The following EXOC6B variants were observed in gnomAD, a reference collection of about 807,000 sequenced individuals.
EXOC6B encodes exocyst complex component 6B.
Under a neutral mutation model 113.5 loss-of-function variants are expected in EXOC6B, and 54 were observed. The ratio of observed to expected loss-of-function variants is 0.48; its 90% CI spans 0.38 to 0.60. The LOEUF (loss-of-function observed/expected upper bound fraction) is 0.60, where lower values mean the gene tolerates loss of function less well. Among genes scored for constraint, EXOC6B ranks in the 20% least tolerant of loss-of-function variants. The pLI is 0.00. For synonymous variants in EXOC6B, 357 were observed against 339.0 expected, an observed-to-expected ratio of 1.05 and a Z score of -0.58; for missense variants, 797 against 977.5, an observed-to-expected ratio of 0.82 and a Z score of 2.46.
intron 8 of EXOC6B, among the ~76,000 whole-genome samples, chr2:72,543,549 C>T (rs1702731336): frequency 6.6e-6 from 1 of 152,098 alleles, no homozygotes; most frequent in African/African-American, 2.4e-5. Flanking sequence ...CTCTCTTTTT[C>T]CCCCGCCTTG....
intron 8 of EXOC6B, among the ~76,000 whole-genome samples, chr2:72,523,892 G>T (rs985980606): frequency 1.6e-4 from 24 of 151,874 alleles, no homozygotes; most frequent in Non-Finnish European, 3.2e-4. Flanking sequence ...ATTGGAGAGT[G>T]GGCTGAGTTC....
Position 72,496,500 on chromosome 2 carries a change from T to C in EXOC6B, c.1397A>G (p.Lys466Arg). The part of the protein sequence containing the change: ...PIPVTSEEMY[K>R]KVVGQFPFQD... ...AAATGGGAATTGTCCTACCACCTTT[T>C]TGTACATCTCTTCACTTGTTACTGG... is the stretch of plus-strand genomic sequence containing the variant. The change falls in exon 14 of 22, where the codon AAA becomes AGA. Residue 466 changes from lysine (K) to arginine (R), a missense_variant. Transcript: ENST00000272427. 1 of 1,602,620 alleles carries C rather than the reference T, an allele frequency of 6.2e-7. No individual in the cohort carries two copies. Among genetic ancestry groups the C allele is most frequent in the South Asian group, 1.1e-5 (1 of 89,116 alleles).
chr2:72,273,519 C>T (rs968927623), intron 20 of EXOC6B, among the ~76,000 whole-genome samples: 2 of 152,086 alleles, frequency 1.3e-5, no homozygotes, highest in African/African-American at 4.8e-5. Flanking sequence ...AGAGGGTGGG[C>T]CAGTCCCTCC....
chr2:72,682,120 C>T (rs779970294), intron 6 of EXOC6B, among the ~76,000 whole-genome samples: 150 of 152,110 alleles, frequency 9.9e-4, no homozygotes, highest in Non-Finnish European at 1.6e-3. Context: ...AGTTCCCCTC[C>T]CCACCATAAG....
intron 18 of EXOC6B, among the ~76,000 whole-genome samples, chr2:72,445,973 T>C (rs1042736696): frequency 6.6e-6 from 1 of 152,176 alleles, no homozygotes. Context: ...ATGACTATTA[T>C]TAAAAAGTAA....
intron 6 of EXOC6B, among the ~76,000 whole-genome samples, chr2:72,711,924 T>C (rs1008014740): frequency 3.3e-5 from 5 of 152,190 alleles, no homozygotes; most frequent in Non-Finnish European, 4.4e-5. Context: ...ATTTCTGGAA[T>C]TTTCCATTTA....
intron 8 of EXOC6B, among the ~76,000 whole-genome samples, chr2:72,545,795 A>C (rs1702865276): frequency 6.6e-6 from 1 of 152,226 alleles, no homozygotes; most frequent in Non-Finnish European, 1.5e-5. Context: ...AATGATTTTT[A>C]ATGAAAACTT....
At chr2:72,795,917 C>T (rs1179336561) in intron 1 of EXOC6B, among the ~76,000 whole-genome samples, 1 of 151,910 alleles carries the variant, frequency 6.6e-6, no homozygotes, top group African/African-American at 2.4e-5. Flanking sequence ...ACCTCTGCCT[C>T]CCAAGTTCAA....
In EXOC6B at chr2:72,672,811, G is replaced by T. The variant is rs536997375; in HGVS notation, c.669+45292C>A. ...GGTTACCAGAGGCTGGGATAGGTTG[G>T]GGGATGGTGGTGAAGAGAGTACTAA... On this transcript the variant is annotated intron_variant, in intron 6 of 21. Transcript: ENST00000272427. Among the ~76,000 whole-genome samples, 3 of 152,252 alleles carry T rather than the reference G, an allele frequency of 2.0e-5. No homozygotes were observed. In the South Asian group the frequency reaches 6.2e-4, roughly 32 times the overall value.
At chr2:72,450,754 G>C (rs564716805) in intron 18 of EXOC6B, among the ~76,000 whole-genome samples, 93 of 152,294 alleles carry the variant, frequency 6.1e-4, no homozygotes, top group Admixed American at 1.9e-3. Context: ...GAATAAGTAT[G>C]ATTAGGAATA....
intron 11 of EXOC6B, among the ~76,000 whole-genome samples, chr2:72,503,123 T>C (rs1369625281): frequency 6.6e-6 from 1 of 152,174 alleles, no homozygotes; most frequent in Non-Finnish European, 1.5e-5. Context: ...TTGGCTTTGG[T>C]ACTAGTTTGA....
intron 20 of EXOC6B, among the ~76,000 whole-genome samples, chr2:72,272,353 C>G (rs1462637879): frequency 6.6e-6 from 1 of 152,200 alleles, no homozygotes; most frequent in Non-Finnish European, 1.5e-5. Flanking sequence ...CAGAAAACAT[C>G]CCCTTCCTGA....
At chr2:72,203,315 T>C (rs1679610523) in intron 20 of EXOC6B, among the ~76,000 whole-genome samples, 1 of 152,224 alleles carries the variant, frequency 6.6e-6, no homozygotes, top group Non-Finnish European at 1.5e-5. Context: ...TTATGAATTA[T>C]TTCTTTTGTC....
At chr2:72,611,753 T>C (rs779508869) in intron 6 of EXOC6B, among the ~76,000 whole-genome samples, 7 of 151,542 alleles carry the variant, frequency 4.6e-5, no homozygotes, top group Non-Finnish European at 1.0e-4. Context: ...AGTAGGAGAG[T>C]TGGTAAACAA....
intron 5 of EXOC6B, among the ~76,000 whole-genome samples, chr2:72,722,499 G>A (rs1312680870): frequency 6.6e-6 from 1 of 151,980 alleles, no homozygotes; most frequent in Non-Finnish European, 1.5e-5. Context: ...TCCCTCATGT[G>A]TTCCAAAAAT....
intron 6 of EXOC6B, among the ~76,000 whole-genome samples, chr2:72,603,407 G>A (rs1249097851): frequency 6.6e-6 from 1 of 151,834 alleles, no homozygotes; most frequent in South Asian, 2.1e-4. Context: ...CTGCTGTCTA[G>A]AATACTCTAT....
chr2:72,418,888 C>T (rs1313765079), intron 18 of EXOC6B, among the ~76,000 whole-genome samples: 2 of 152,122 alleles, frequency 1.3e-5, no homozygotes, highest in African/African-American at 4.8e-5. Context: ...CTGTCCCCCC[C>T]TTATTTCCTG....
At chr2:72,466,854 G>A (rs928445880) in intron 17 of EXOC6B, among the ~76,000 whole-genome samples, 3 of 152,062 alleles carry the variant, frequency 2.0e-5, no homozygotes, top group Non-Finnish European at 4.4e-5. Flanking sequence ...TATGAGGTAG[G>A]AATACTTAAA....
rs549070398 is a variant in EXOC6B at position 72,723,664 on chromosome 2, C to G, written c.465-5357G>C. Among the ~76,000 whole-genome samples, 6 of 150,648 alleles carry G rather than the reference C, an allele frequency of 4.0e-5. No homozygotes were observed. In the East Asian group the frequency reaches 1.2e-3, roughly 29 times the overall value. On this transcript the variant is annotated intron_variant, in intron 5 of 21. Coordinates refer to ENST00000272427, the MANE Select transcript of EXOC6B (RefSeq NM_015189.3). ...TAACAAATACGTAATTTCTTCTGTG[C>G]GCTAGAGATAGAAAGATGTTCAGAT...
Sources: gnomAD v4.1 joint callset for allele counts (sites outside exome capture counted in the v4.1 genomes callset) on GRCh38, gnomAD v4.1.1 for gene constraint, MANE v1.5 for transcripts, NCBI Gene and HGNC (gene_info 2026-07-23, HGNC 2026-07-21) for gene names.